Variants in PACRG observed in about 807,000 individuals in gnomAD.
PACRG encodes the protein parkin coregulated gene protein.
PACRG carries 29 observed loss-of-function variants against 29.7 expected under a neutral mutation model. That is an observed-to-expected ratio of 0.98 (90% confidence interval 0.73 to 1.33). The LOEUF (loss-of-function observed/expected upper bound fraction) is 1.33, where lower values mean the gene tolerates loss of function less well. PACRG is among the 40% of genes most tolerant of loss of function. The probability of loss-of-function intolerance (pLI) is 0.00; values close to 1 mark genes in which losing one functional copy is unlikely to be tolerated. For missense variants in PACRG, 279 were observed against 316.2 expected (o/e 0.88, Z 0.89); for synonymous variants, 116 against 118.7 (o/e 0.98, Z 0.15).
At chr6:163,230,121 A>G (rs943441494) in intron 4 of PACRG, among the ~76,000 whole-genome samples, 15 of 152,222 alleles carry the variant, frequency 9.9e-5, no homozygotes, top group African/African-American at 3.4e-4. Context: ...TGCAAAGAGA[A>G]TGTACGTCTA....
At chr6:162,759,894 T>A (rs1782211579) in intron 1 of PACRG, among the ~76,000 whole-genome samples, 1 of 152,208 alleles carries the variant, frequency 6.6e-6, no homozygotes, top group South Asian at 2.1e-4. Flanking sequence ...GCCTTAGCTA[T>A]GGTTGCCAGA....
chr6:163,244,662 C>T (rs1284100362), intron 4 of PACRG, among the ~76,000 whole-genome samples: 2 of 152,170 alleles, frequency 1.3e-5, no homozygotes, highest in Non-Finnish European at 2.9e-5. Flanking sequence ...TTCAGGATTC[C>T]ATGAAACATT....
intron 2 of PACRG, among the ~76,000 whole-genome samples, chr6:162,913,779 A>G (rs1302371039): frequency 1.3e-5 from 2 of 152,294 alleles, no homozygotes; most frequent in Admixed American, 6.5e-5. Flanking sequence ...GTGACTGAGC[A>G]TGTCCTTGAT....
At chr6:162,785,880 A>C (rs1432264381) in intron 1 of PACRG, among the ~76,000 whole-genome samples, 1 of 152,180 alleles carries the variant, frequency 6.6e-6, no homozygotes, top group African/African-American at 2.4e-5. Context: ...GATAACAAAC[A>C]AGTAAGAGAC....
Position 163,089,288 on chromosome 6 carries a change from A to T in PACRG, c.493A>T (p.Ile165Phe). 6.2e-7 allele frequency: 1 copy of T among 1,614,100 alleles called. No individual in the cohort carries two copies. The highest frequency in any genetic ancestry group is 8.5e-7 in the Non-Finnish European group (1 of 1,180,000). The change falls in exon 4 of 5, where the codon ATC (isoleucine) becomes TTC (phenylalanine). Residue 165 changes from isoleucine to phenylalanine, a missense_variant. By Grantham distance (21) the Ile-to-Phe change is conservative. Transcript: ENST00000366888. The part of the protein sequence containing the change: ...NALNLRNRQV[I>F]CVTLKVLQHL... ...CTTGAACCTCCGAAACCGACAGGTCATCTGTGTCACTCTCAAGGTCCTCCA... is the reference window on the plus strand; with the variant it reads ...CTTGAACCTCCGAAACCGACAGGTCTTCTGTGTCACTCTCAAGGTCCTCCA...
chr6:162,781,463 T>C (rs1784085429), intron 1 of PACRG, among the ~76,000 whole-genome samples: 1 of 151,924 alleles, frequency 6.6e-6, no homozygotes, highest in Non-Finnish European at 1.5e-5. Flanking sequence ...ATGGAAACTA[T>C]AAGAGTAAAC....
intron 2 of PACRG, among the ~76,000 whole-genome samples, chr6:162,874,151 A>AAAAATATAT (rs67812561): frequency 4.4e-5 from 6 of 136,296 alleles, no homozygotes; most frequent in African/African-American, 1.1e-4. Context: ...AAAAAAAAAA[A>AAAAATATAT]ATATATATAT....
At chr6:162,854,498 G>A (rs1791204448) in intron 2 of PACRG, among the ~76,000 whole-genome samples, 1 of 151,956 alleles carries the variant, frequency 6.6e-6, no homozygotes, top group South Asian at 2.1e-4. Flanking sequence ...TCATAGAGAA[G>A]GAATTAAAAA....
At chr6:163,078,694 C>A (rs1020853286) in intron 3 of PACRG, among the ~76,000 whole-genome samples, 7 of 152,124 alleles carry the variant, frequency 4.6e-5, no homozygotes, top group African/African-American at 1.7e-4. Context: ...GAGCCTCAGA[C>A]TGAGAATCTT....
intron 2 of PACRG, among the ~76,000 whole-genome samples, chr6:162,905,742 T>G (rs1795889963): frequency 6.6e-6 from 1 of 152,206 alleles, no homozygotes; most frequent in South Asian, 2.1e-4. Flanking sequence ...TGAGCTGTGG[T>G]GGATTGGTGG....
chr6:162,787,541 G>GTA lies in PACRG; in HGVS notation c.157-26596_157-26595dup, dbSNP rs565243561. Reference sequence around the variant, plus strand: ...TGTATATGTGTGTGTGTGTGTTTGTGTATATATATATGGTTATTGTGTGTG... The same window carrying GTA: ...TGTATATGTGTGTGTGTGTGTTTGTGTATATATATATATGGTTATTGTGTGTG... On this transcript the variant is annotated intron_variant, in intron 1 of 4. Transcript: ENST00000366888. Among the ~76,000 whole-genome samples the GTA allele has an allele frequency of 8.5e-3, 1,148 of 134,576 alleles. 23 individuals are homozygous for GTA. The highest frequency in any genetic ancestry group is 0.023 in the Admixed American group (296 of 12,842). The allele number at this position is 134,576 out of a possible 152,430, so 88.3% of individuals were successfully genotyped here.
At chr6:163,313,885 G>C (rs890598783) in intron 4 of PACRG, 4 of 152,120 alleles carry the variant, frequency 2.6e-5, no homozygotes, top group African/African-American at 4.8e-5. Flanking sequence ...AATGACTATC[G>C]TTAGAGAAAA....
chr6:163,097,810 G>A (rs575370860), intron 4 of PACRG, among the ~76,000 whole-genome samples: 1 of 152,286 alleles, frequency 6.6e-6, no homozygotes, highest in South Asian at 2.1e-4. Flanking sequence ...TTCTTATTAT[G>A]TAGATGAAGT....
intron 4 of PACRG, among the ~76,000 whole-genome samples, chr6:163,267,617 A>G (rs1278328337): frequency 6.6e-6 from 1 of 152,254 alleles, no homozygotes; most frequent in Admixed American, 6.5e-5. Context: ...CCTGCCTCAA[A>G]GGTTAGATTA....
chr6:163,299,363 C>A (rs1456804075), intron 4 of PACRG, among the ~76,000 whole-genome samples: 1 of 152,184 alleles, frequency 6.6e-6, no homozygotes, highest in Non-Finnish European at 1.5e-5. Context: ...CTCTGGGGGT[C>A]CTTCCCACCA....
chr6:163,013,569 C>T (rs568519690), intron 2 of PACRG, among the ~76,000 whole-genome samples: 2 of 152,198 alleles, frequency 1.3e-5, no homozygotes, highest in South Asian at 4.2e-4. Context: ...TAAAAATGAT[C>T]ACTGAGGTCA....
At chr6:163,045,056 G>A (rs1029264362) in intron 2 of PACRG, among the ~76,000 whole-genome samples, 4 of 152,192 alleles carry the variant, frequency 2.6e-5, no homozygotes, top group Middle Eastern at 3.2e-3. Flanking sequence ...TAGGCGTGGA[G>A]GGAGCAGCCG....
chr6:162,850,297 C>G (rs1012183793), intron 2 of PACRG, among the ~76,000 whole-genome samples: 1 of 152,198 alleles, frequency 6.6e-6, no homozygotes, highest in Non-Finnish European at 1.5e-5. Context: ...TAGATTAAAA[C>G]TATGATATAG....
intron 2 of PACRG, among the ~76,000 whole-genome samples, chr6:162,922,342 T>C (rs1037555400): frequency 1.3e-5 from 2 of 150,932 alleles, no homozygotes; most frequent in Non-Finnish European, 2.9e-5. Flanking sequence ...CTCCTGCTCA[T>C]GTCTAGCTGT....
Sources: allele counts gnomAD v4.1 joint callset (sites outside exome capture counted in the v4.1 genomes callset), GRCh38; gene constraint gnomAD v4.1.1; transcripts MANE v1.5; gene names NCBI Gene and HGNC (gene_info 2026-07-23, HGNC 2026-07-21).